The following BRPF1 variants were observed in gnomAD, a reference collection of about 807,000 sequenced individuals.
BRPF1 encodes bromodomain and PHD finger containing 1.
A neutral mutation model predicts 115.0 loss-of-function variants in BRPF1; 15 were observed. The observed-to-expected ratio is 0.13, with a 90% CI of 0.09 to 0.20. The LOEUF (loss-of-function observed/expected upper bound fraction) is 0.20. BRPF1 is among the 10% of genes least tolerant of loss of function. The pLI is 1.00. For synonymous variants in BRPF1, 647 were observed against 619.8 expected (o/e 1.04, Z -0.65); for missense variants, 1,118 against 1,638.3 (o/e 0.68, Z 5.48).
At chr3:9,746,492 G>C (rs1159259814) in intron 13 of BRPF1, 38 bp downstream of exon 13, 2 of 1,517,916 alleles carry the variant, frequency 1.3e-6, no homozygotes, top group Non-Finnish European at 1.8e-6. Flanking sequence ...CACAGCCACA[G>C]ATGCAGCCCT....
intron 5 of BRPF1, 26 bp from the exon 6 acceptor site, chr3:9,741,999 G>T: frequency 6.2e-7 from 1 of 1,613,204 alleles, no homozygotes; most frequent in Non-Finnish European, 8.5e-7. Flanking sequence ...CCGAGGCCTG[G>T]CTGATCAGGC....
At position 9,743,159 on chromosome 3, in the gene BRPF1, G is replaced by A; in HGVS notation, c.2217G>A (p.Arg739=). 2 of 1,614,266 alleles carry A rather than the reference G, an allele frequency of 1.2e-6. No individual in the cohort carries two copies. The highest frequency in any genetic ancestry group is 1.7e-6 in the Non-Finnish European group (2 of 1,180,046). The change falls in exon 7 of 14, where the codon CGG becomes CGA. Residue 739 remains arginine (R), a synonymous_variant. Coordinates refer to ENST00000383829, the MANE Select transcript of BRPF1 (RefSeq NM_001003694.2). The surrounding 1 kb of genome is among the most constrained non-coding windows in gnomAD (Gnocchi z 6.1). ...EQGGAVLRQA[R]RQAEKMGIDF... ...GTGGTGCTGTGCTCCGCCAGGCCCGGCGCCAGGCAGAAAAAATGGGCATTG... is the reference window on the plus strand; with the variant it reads ...GTGGTGCTGTGCTCCGCCAGGCCCGACGCCAGGCAGAAAAAATGGGCATTG...
chr3:9,742,082 C>T lies in BRPF1; in HGVS notation c.1912C>T (p.Arg638Cys), dbSNP rs371562413. Residue 638 changes from arginine to cysteine, a missense_variant, in exon 6 of 14, where the codon CGC (arginine) becomes TGC (cysteine). Coordinates refer to ENST00000383829, the MANE Select transcript of BRPF1 (RefSeq NM_001003694.2). ...MQLTPFLILL[R>C]KTLEQLQEKD... Reference sequence around the variant, plus strand: ...GCTGACTCCTTTCCTCATCCTCCTTCGCAAAACCTTGGAGCAGCTCCAAGA... The same window carrying T: ...GCTGACTCCTTTCCTCATCCTCCTTTGCAAAACCTTGGAGCAGCTCCAAGA... 9 of 1,614,088 alleles carry T rather than the reference C, an allele frequency of 5.6e-6. No individual in the cohort carries two copies. Among genetic ancestry groups the T allele is most frequent in the African/African-American group, 5.3e-5 (4 of 74,930 alleles).
rs781235866 is a variant in BRPF1 at position 9,734,429 on chromosome 3, C to A, written c.289C>A (p.Arg97Ser). 1 of 1,614,120 alleles carries A rather than the reference C, an allele frequency of 6.2e-7. No homozygotes were observed. The highest frequency in any genetic ancestry group is 2.2e-5 in the East Asian group (1 of 44,876). The change falls in exon 2 of 14, where the codon CGC becomes AGC. Residue 97 changes from arginine (R) to serine (S), a missense_variant. Arg to Ser is a moderately radical substitution (Grantham distance 110, BLOSUM62 -1). This residue lies in a region of BRPF1 where 280 missense variants were observed against 382.8 expected (regional missense o/e 0.73). Transcript: ENST00000383829. The surrounding 1 kb of genome is among the most constrained non-coding windows in gnomAD (Gnocchi z 5.7). ...GGTGATGAGCTATGCACAGGCCCAGCGCATGGTGGAGGTGGACTTGCATGG... is the reference window on the plus strand; with the variant it reads ...GGTGATGAGCTATGCACAGGCCCAGAGCATGGTGGAGGTGGACTTGCATGG... ...REVMSYAQAQ[R>S]MVEVDLHGRV...
Position 9,747,134 on chromosome 3 carries a change from A to G in BRPF1, c.3480-32A>G, listed in dbSNP as rs369883359. 9 of 1,611,842 alleles carry G rather than the reference A, an allele frequency of 5.6e-6. No homozygotes were observed. In the African/African-American group the frequency reaches 1.1e-4, roughly 19 times the overall value. ...AAGGCTGGTCCTTGTTCTCCCTGAG[A>G]TGATTTATTTGATCTTCACCTTATC... On this transcript the variant is annotated intron_variant, in intron 13 of 13. Coordinates refer to ENST00000383829, the MANE Select transcript of BRPF1 (RefSeq NM_001003694.2). This position sits in a 1 kb window ranked among gnomAD's most constrained non-coding sequence, Gnocchi z 5.6.
chr3:9,744,351 G>A lies in BRPF1; in HGVS notation c.2763G>A (p.Arg921=), dbSNP rs766299473. ...GGCCGGGCCGGCCCCCCAAAAACCG[G>A]GAGAGCCAGATGACCCCCAGCCACG... is the stretch of plus-strand genomic sequence containing the variant. ...PKRPGRPPKN[R]ESQMTPSHGG... Residue 921 remains arginine (R), a synonymous_variant, in exon 9 of 14, where the codon CGG becomes CGA. Transcript: ENST00000383829. 44 of 1,613,378 alleles carry A rather than the reference G, an allele frequency of 2.7e-5. No homozygotes were observed. Among genetic ancestry groups the A allele is most frequent in the Non-Finnish European group, 3.6e-5 (43 of 1,179,740 alleles).
In BRPF1 at chr3:9,743,963, CTCAACCCCTGCCAT is replaced by C. The variant is rs2077077560; in HGVS notation, c.2635+65_2635+78del. Reference sequence around the variant, plus strand: ...TCAGACTTTGGCTCTGCAGCACACACTCAACCCCTGCCATTCCCCAGGCAGAGGTCCCTCCTACA... The same window carrying C: ...TCAGACTTTGGCTCTGCAGCACACACTCCCCAGGCAGAGGTCCCTCCTACA... On this transcript the variant is annotated intron_variant, in intron 8 of 13. Coordinates refer to ENST00000383829, the MANE Select transcript of BRPF1 (RefSeq NM_001003694.2). This position sits in a 1 kb window ranked among gnomAD's most constrained non-coding sequence, Gnocchi z 6.1. The C allele has an allele frequency of 6.7e-7, 1 of 1,496,160 alleles. No homozygotes were observed. The highest frequency in any genetic ancestry group is 8.9e-7 in the Non-Finnish European group (1 of 1,119,216). 92.7% of individuals were successfully genotyped at this position (1,496,160 alleles called of 1,614,324 possible). A position where few individuals can be genotyped will look rare whatever the true frequency, so the allele number is the denominator to read the frequency against.
intron 2 of BRPF1, among the ~76,000 whole-genome samples, chr3:9,737,489 A>G (rs993422845): frequency 6.6e-6 from 1 of 152,250 alleles, no homozygotes; most frequent in African/African-American, 2.4e-5. Flanking sequence ...AACAAGGCTC[A>G]GGGAGCTTAG....
In BRPF1 at chr3:9,747,408, A is replaced by C; in HGVS notation, c.*59A>C. ...GTGACTTCTCTCCTCCCCTTTGCTC[A>C]CTGTCCTGGAGTGGCACCGGCCTCT... On this transcript the variant is annotated 3_prime_UTR_variant, in exon 14 of 14. Transcript: ENST00000383829. This position sits in a 1 kb window ranked among gnomAD's most constrained non-coding sequence, Gnocchi z 5.6. The C allele has an allele frequency of 6.3e-7, 1 of 1,583,174 alleles. No homozygotes were observed.
Position 9,744,995 on chromosome 3 carries a change from C to A in BRPF1, c.2921-13C>A, listed in dbSNP as rs2077098702. The A allele has an allele frequency of 1.2e-6, 2 of 1,614,236 alleles. No individual in the cohort carries two copies. The highest frequency in any genetic ancestry group is 2.7e-5 in the African/African-American group (2 of 75,068). On this transcript the variant is annotated splice_polypyrimidine_tract_variant and intron_variant, in intron 9 of 13. Transcript: ENST00000383829. ...GACCGGTTCCTTCCCTCCTCCCCTT[C>A]CCTTCAACCAAGACTTACCAGCCAA...
Position 9,744,338 on chromosome 3 carries a change from C to A in BRPF1, c.2750C>A (p.Pro917His). ...TAGPPKRPGR[P>H]PKNRESQMTP... ...GGACCGCCCAAGAGGCCGGGCCGGC[C>A]CCCCAAAAACCGGGAGAGCCAGATG... The change falls in exon 9 of 14, where the codon CCC becomes CAC. Residue 917 changes from proline (P) to histidine (H), a missense_variant. Coordinates refer to ENST00000383829, the MANE Select transcript of BRPF1 (RefSeq NM_001003694.2). 1 of 1,613,476 alleles carries A rather than the reference C, an allele frequency of 6.2e-7. No homozygotes were observed. The highest frequency in any genetic ancestry group is 8.5e-7 in the Non-Finnish European group (1 of 1,179,712).
chr3:9,743,590 A>G lies in BRPF1; in HGVS notation c.2324A>G (p.Glu775Gly), dbSNP rs767843609. Reference protein sequence around the residue: ...THHTEDAAEEERLVLLENQKH... With the variant: ...THHTEDAAEEGRLVLLENQKH... ...ACCCTACCCCTAGCAGCCGAGGAAG[A>G]GCGGCTGGTCTTGCTGGAGAACCAG... The change falls in exon 8 of 14, where the codon GAG becomes GGG. Residue 775 changes from glutamate (E) to glycine (G), a missense_variant. Transcript: ENST00000383829. The surrounding 1 kb of genome is among the most constrained non-coding windows in gnomAD (Gnocchi z 6.1). 1 of 1,612,560 alleles carries G rather than the reference A, an allele frequency of 6.2e-7. No homozygotes were observed. The highest frequency in any genetic ancestry group is 8.5e-7 in the Non-Finnish European group (1 of 1,179,202).
Position 9,744,253 on chromosome 3 carries a change from G to T in BRPF1, c.2665G>T (p.Ala889Ser). 1.9e-6 allele frequency: 3 copies of T among 1,568,570 alleles called. No homozygotes were observed. The highest frequency in any genetic ancestry group is 2.6e-6 in the Non-Finnish European group (3 of 1,157,268). The change falls in exon 9 of 14, where the codon GCA becomes TCA. Residue 889 changes from alanine to serine, a missense_variant. Coordinates refer to ENST00000383829, the MANE Select transcript of BRPF1 (RefSeq NM_001003694.2). ...GLGPNMSSTP[A>S]HEVGRRTSVL... Reference sequence around the variant, plus strand: ...GGGTCCCAACATGTCCTCAACCCCCGCACATGAGGTGGGCAGGAGAACCTC... The same window carrying T: ...GGGTCCCAACATGTCCTCAACCCCCTCACATGAGGTGGGCAGGAGAACCTC...
chr3:9,741,554 G>A (rs2077030570), intron 5 of BRPF1, 115 bp downstream of exon 5: 7 of 1,097,154 alleles, frequency 6.4e-6, no homozygotes, highest in African/African-American at 1.6e-5. Context: ...GGAGAATGGC[G>A]TGAACCTGGG....
At chr3:9,738,552 G>A (rs1456329532) in intron 2 of BRPF1, among the ~76,000 whole-genome samples, 1 of 152,224 alleles carries the variant, frequency 6.6e-6, no homozygotes, top group Non-Finnish European at 1.5e-5. Context: ...CAACTTATAT[G>A]TAATTTGTCA....
chr3:9,738,319 C>CTT (rs1419963207), intron 2 of BRPF1, among the ~76,000 whole-genome samples: 1 of 152,242 alleles, frequency 6.6e-6, no homozygotes, highest in South Asian at 2.1e-4. Flanking sequence ...AACAAGAACA[C>CTT]TAACTCTATG....
rs1026838347 is a variant in BRPF1 at position 9,745,422 on chromosome 3, C to A, written c.3069-151C>A. 3 of 1,018,346 alleles carry A rather than the reference C, an allele frequency of 2.9e-6. No individual in the cohort carries two copies. Among genetic ancestry groups the A allele is most frequent in the Admixed American group, 2.4e-5 (1 of 41,594 alleles). The allele number at this position is 1,018,346 out of a possible 1,614,324, so 63.1% of individuals were successfully genotyped here. On this transcript the variant is annotated intron_variant, in intron 10 of 13. Coordinates refer to ENST00000383829, the MANE Select transcript of BRPF1 (RefSeq NM_001003694.2). This position sits in a 1 kb window ranked among gnomAD's most constrained non-coding sequence, Gnocchi z 5.1. ...CACCTCTGTTAGGTCATCAGCCTAG[C>A]CCCTGTGGGTGTTTGAATTTGAAAT...
rs1271118111 is a variant in BRPF1, at chr3:9,731,870, C to G, written c.-279C>G. On this transcript the variant is annotated 5_prime_UTR_variant, in exon 1 of 14. Coordinates refer to ENST00000383829, the MANE Select transcript of BRPF1 (RefSeq NM_001003694.2). The stretch of plus-strand genomic sequence containing the variant: ...TTCCAGCAGCGCCCGGTCCCGAGAC[C>G]GGGCATCTTGGGGGCTCGCGAAACG... 1 of 152,840 alleles carries G rather than the reference C, an allele frequency of 6.5e-6. No individual in the cohort carries two copies. The highest frequency in any genetic ancestry group is 1.5e-5 in the Non-Finnish European group (1 of 68,146). 9.5% of individuals were successfully genotyped at this position (152,840 alleles called of 1,614,324 possible).
chr3:9,742,081 T>G lies in BRPF1; in HGVS notation c.1911T>G (p.Leu637=). The change falls in exon 6 of 14, where the codon CTT becomes CTG. Residue 637 remains leucine (L), a synonymous_variant. Coordinates refer to ENST00000383829, the MANE Select transcript of BRPF1 (RefSeq NM_001003694.2). ...AGCTGACTCCTTTCCTCATCCTCCT[T>G]CGCAAAACCTTGGAGCAGCTCCAAG... The part of the protein sequence containing the change: ...EMQLTPFLIL[L]RKTLEQLQEK... The G allele has an allele frequency of 1.2e-6, 2 of 1,614,226 alleles. No homozygotes were observed. The highest frequency in any genetic ancestry group is 1.7e-6 in the Non-Finnish European group (2 of 1,180,040).
Sources: allele counts gnomAD v4.1 joint callset (sites outside exome capture counted in the v4.1 genomes callset), GRCh38; gene constraint gnomAD v4.1.1; regional missense constraint gnomAD v4.1.1; non-coding constraint Gnocchi (gnomAD v3.1); transcripts MANE v1.5; gene names NCBI Gene and HGNC (gene_info 2026-07-23, HGNC 2026-07-21).